CNBD1: variants seen among roughly 807,000 people sequenced by gnomAD.
CNBD1 encodes the protein cyclic nucleotide-binding domain-containing protein 1.
In CNBD1, 71 loss-of-function variants were observed where a neutral mutation model predicts 54.4. That is an observed-to-expected ratio of 1.30 (90% confidence interval 1.08 to 1.59). The LOEUF is 1.59. CNBD1 is among the 40% of genes most tolerant of loss of function. The pLI is 0.00. For synonymous variants in CNBD1, 182 were observed against 170.7 expected (o/e 1.07, Z -0.51); for missense variants, 659 against 518.0 (o/e 1.27, Z -2.64).
chr8:87,401,747 T>C (rs1807569221), intron 2 of CNBD1, among the ~76,000 whole-genome samples: 1 of 152,078 alleles, frequency 6.6e-6, no homozygotes, highest in South Asian at 2.1e-4. Context: ...AGCATGGATT[T>C]TTTAAAAAAA....
chr8:86,866,709 G>A (rs1808370366), intron 1 of CNBD1, 126 bp downstream of exon 1: 1 of 697,918 alleles, frequency 1.4e-6, no homozygotes, highest in Non-Finnish European at 2.5e-6. Context: ...TGACAGTGCT[G>A]AAGAATGGAA....
chr8:87,039,748 A>G (rs558144593), intron 4 of CNBD1, among the ~76,000 whole-genome samples: 1 of 152,306 alleles, frequency 6.6e-6, no homozygotes, highest in East Asian at 1.9e-4. Context: ...TTTAAGGACA[A>G]TTTGTTGGAT....
intron 4 of CNBD1, among the ~76,000 whole-genome samples, chr8:87,142,534 T>G (rs1812391153): frequency 6.6e-6 from 1 of 152,162 alleles, no homozygotes; most frequent in Non-Finnish European, 1.5e-5. Flanking sequence ...TAACTCTTCA[T>G]AAGGTTATGA....
rs540700615 is a variant in CNBD1, at chr8:87,026,155, A to G, written c.431+86401A>G. On this transcript the variant is annotated intron_variant, in intron 4 of 10. Coordinates refer to ENST00000518476, the MANE Select transcript of CNBD1 (RefSeq NM_173538.3). Reference sequence around the variant, plus strand: ...CATTCTTTTTAAAAGGTTCTTTTCAATAGCATACAAATCAAAGAGATCTAC... The same window carrying G: ...CATTCTTTTTAAAAGGTTCTTTTCAGTAGCATACAAATCAAAGAGATCTAC... Among the ~76,000 whole-genome samples, 20 of 152,324 alleles carry G rather than the reference A, an allele frequency of 1.3e-4. No homozygotes were observed. In the South Asian group the frequency reaches 3.3e-3, roughly 25 times the overall value.
intron 8 of CNBD1, among the ~76,000 whole-genome samples, chr8:87,318,432 C>G (rs980046351): frequency 4.6e-5 from 7 of 152,064 alleles, no homozygotes; most frequent in Non-Finnish European, 1.0e-4. Flanking sequence ...TAGTTTAGGT[C>G]TAATTTTCCC....
rs534244542 is a variant in CNBD1 at position 87,345,019 on chromosome 8, A to G, written c.1043-6666A>G. Among the ~76,000 whole-genome samples, 11 of 152,212 alleles carry G rather than the reference A, an allele frequency of 7.2e-5. No individual in the cohort carries two copies. In the South Asian group the frequency reaches 2.3e-3, roughly 32 times the overall value. ...ATATGAAAATATTTTCCTTCTATTG[A>G]TTTTGCGCTAGTTATAGTGCACTGT... On this transcript the variant is annotated intron_variant, in intron 8 of 10. Transcript: ENST00000518476.
chr8:87,306,057 A>G (rs1334337449), intron 8 of CNBD1, among the ~76,000 whole-genome samples: 3 of 152,158 alleles, frequency 2.0e-5, no homozygotes, highest in Non-Finnish European at 2.9e-5. Flanking sequence ...ATACAACAGT[A>G]AGAAAAAAAA....
At chr8:86,974,222 C>T (rs78403038) in intron 4 of CNBD1, among the ~76,000 whole-genome samples, 30 of 151,642 alleles carry the variant, frequency 2.0e-4, no homozygotes, top group Admixed American at 1.2e-3. Context: ...ATATGCCCAA[C>T]AAGTTGAAAA....
chr8:86,882,939 G>A (rs144324560), intron 1 of CNBD1, among the ~76,000 whole-genome samples: 1,607 of 152,156 alleles, frequency 0.011, 34 homozygotes, highest in African/African-American at 0.036. Context: ...CAAATACCAC[G>A]TGTTTTCACT....
intron 8 of CNBD1, among the ~76,000 whole-genome samples, chr8:87,337,100 G>A (rs1809958575): frequency 6.6e-6 from 1 of 152,074 alleles, no homozygotes; most frequent in Admixed American, 6.6e-5. Flanking sequence ...TGACCTTGAG[G>A]GGCACAGACC....
intron 5 of CNBD1, among the ~76,000 whole-genome samples, chr8:87,229,383 A>G (rs2130818663): frequency 6.6e-6 from 1 of 152,274 alleles, no homozygotes; most frequent in South Asian, 2.1e-4. Flanking sequence ...TCACAGGTTA[A>G]AAATTTCAAA....
chr8:87,325,941 C>T (rs1159321638), intron 8 of CNBD1, among the ~76,000 whole-genome samples: 3 of 112,086 alleles, frequency 2.7e-5, no homozygotes, highest in African/African-American at 1.0e-4. Flanking sequence ...GCAGCTGGTA[C>T]CGGTTGTTCC....
intron 4 of CNBD1, among the ~76,000 whole-genome samples, chr8:87,054,731 G>A (rs1810378858): frequency 6.6e-6 from 1 of 152,214 alleles, no homozygotes; most frequent in Non-Finnish European, 1.5e-5. Flanking sequence ...TTACACCGAA[G>A]TGTAGCCTTG....
At chr8:87,311,914 G>C (rs1183588179) in intron 8 of CNBD1, among the ~76,000 whole-genome samples, 3 of 151,974 alleles carry the variant, frequency 2.0e-5, no homozygotes, top group Admixed American at 6.6e-5. Flanking sequence ...TGGACATAAA[G>C]GTGCCAACTG....
At chr8:86,893,649 T>G (rs1371221336) in intron 2 of CNBD1, among the ~76,000 whole-genome samples, 1 of 152,130 alleles carries the variant, frequency 6.6e-6, no homozygotes, top group African/African-American at 2.4e-5. Context: ...GCCTGTAAAC[T>G]CCTGGAAAAA....
At chr8:87,156,583 T>C (rs542490920) in intron 4 of CNBD1, among the ~76,000 whole-genome samples, 1 of 152,166 alleles carries the variant, frequency 6.6e-6, no homozygotes, top group South Asian at 2.1e-4. Context: ...AATACACTTG[T>C]ATTCAGTAAC....
intron 4 of CNBD1, among the ~76,000 whole-genome samples, chr8:87,143,775 A>G (rs565729592): frequency 2.0e-5 from 3 of 152,304 alleles, no homozygotes; most frequent in Non-Finnish European, 2.9e-5. Context: ...CCAGAACTAC[A>G]TCATCTCTAT....
chr8:87,291,019 C>T (rs1244064573), intron 8 of CNBD1, among the ~76,000 whole-genome samples: 1 of 151,976 alleles, frequency 6.6e-6, no homozygotes, highest in African/African-American at 2.4e-5. Flanking sequence ...CTGTTTCTGA[C>T]TCTCTCATAT....
At chr8:87,329,847 A>C (rs1176807661) in intron 8 of CNBD1, among the ~76,000 whole-genome samples, 1 of 151,934 alleles carries the variant, frequency 6.6e-6, no homozygotes, top group Non-Finnish European at 1.5e-5. Context: ...CAGCAAAGAC[A>C]GTTTTATTTC....
Sources: gnomAD v4.1 joint callset for allele counts (sites outside exome capture counted in the v4.1 genomes callset) on GRCh38, gnomAD v4.1.1 for gene constraint, MANE v1.5 for transcripts, NCBI Gene and HGNC (gene_info 2026-07-23, HGNC 2026-07-21) for gene names.